The following APOL2 variants were observed in gnomAD, a reference collection of about 807,000 sequenced individuals.
The protein encoded by APOL2 is apolipoprotein L, 2.
APOL2 carries 8 observed loss-of-function variants against 7.1 expected under a neutral mutation model. The ratio of observed to expected loss-of-function variants is 1.12; its 90% CI spans 0.66 to 2.03. The LOEUF (loss-of-function observed/expected upper bound fraction) is 2.03, where lower values mean the gene tolerates loss of function less well. Among genes scored for constraint, APOL2 ranks in the 30% most tolerant of loss-of-function variants. The pLI is 0.00. For missense variants in APOL2, 471 were observed against 415.1 expected, an observed-to-expected ratio of 1.13 and a Z score of -1.17; for synonymous variants, 177 against 159.9, an observed-to-expected ratio of 1.11 and a Z score of -0.81.
intron 4 of APOL2, among the ~76,000 whole-genome samples, chr22:36,229,679 G>A (rs1385870990): frequency 2.0e-5 from 3 of 152,184 alleles, no homozygotes; most frequent in Admixed American, 2.0e-4. Context: ...ATGATTTTAG[G>A]AATCCCCATA....
chr22:36,229,080 C>T (rs2015126223), intron 4 of APOL2, among the ~76,000 whole-genome samples: 1 of 152,212 alleles, frequency 6.6e-6, no homozygotes, highest in African/African-American at 2.4e-5. Context: ...TGGACTTGCA[C>T]CACCTTGGCT....
chr22:36,232,650 G>A (rs908061293), intron 3 of APOL2, among the ~76,000 whole-genome samples: 1 of 152,200 alleles, frequency 6.6e-6, no homozygotes, highest in African/African-American at 2.4e-5. Flanking sequence ...TAAGTTGGAA[G>A]CTGGGTCAAG....
intron 1 of APOL2, among the ~76,000 whole-genome samples, chr22:36,234,944 C>T (rs1001294): frequency 0.27 from 41,687 of 152,072 alleles, 6,404 homozygotes; most frequent in Non-Finnish European, 0.34. Flanking sequence ...TGCCTCTGCA[C>T]CCTCTGCTGC....
chr22:36,236,966 G>T (rs1172071610), intron 1 of APOL2: 3 of 1,358,658 alleles, frequency 2.2e-6, no homozygotes, highest in East Asian at 3.0e-5. Context: ...CTAGGCCAGG[G>T]GAGCTGTCTC....
chr22:36,230,508 G>T (rs6000207), intron 4 of APOL2, among the ~76,000 whole-genome samples: 85,478 of 151,862 alleles, frequency 0.56, 25,730 homozygotes, highest in Middle Eastern at 0.7. Flanking sequence ...TCCCAGCCCT[G>T]GTGCCCCAGC....
chr22:36,230,268 T>C (rs2015171889), intron 4 of APOL2, among the ~76,000 whole-genome samples: 2 of 151,130 alleles, frequency 1.3e-5, no homozygotes, highest in African/African-American at 2.4e-5. Context: ...AGGCATGCCA[T>C]GGTAAGGAGC....
At position 36,226,528 on chromosome 22, in the gene APOL2, C is replaced by T. The variant is rs914666336; in HGVS notation, c.*876G>A. On this transcript the variant is annotated 3_prime_UTR_variant, in exon 5 of 5. Transcript: ENST00000358502. ...GGGGACCCGTCACATGACAACCACCCCAACCACCATCATGAAGAAGCCACT... is the reference window on the plus strand; with the variant it reads ...GGGGACCCGTCACATGACAACCACCTCAACCACCATCATGAAGAAGCCACT... 2 of 152,618 alleles carry T rather than the reference C, an allele frequency of 1.3e-5. No individual in the cohort carries two copies. The highest frequency in any genetic ancestry group is 2.9e-5 in the Non-Finnish European group (2 of 68,402). 9.5% of individuals were successfully genotyped at this position (152,618 alleles called of 1,614,324 possible).
At position 36,226,741 on chromosome 22, in the gene APOL2, TC is replaced by T. The variant is rs1316162097; in HGVS notation, c.*662del. ...AACTCTGGTTTTCTCCATTTTCAGC[TC>T]TTTCTTTTCCTGGCCTTCTCATTGC... On this transcript the variant is annotated 3_prime_UTR_variant, in exon 5 of 5. Coordinates refer to ENST00000358502, the MANE Select transcript of APOL2 (RefSeq NM_030882.4). 6.4e-6 allele frequency: 1 copy of T among 155,980 alleles called. No individual in the cohort carries two copies. Among genetic ancestry groups the T allele is most frequent in the African/African-American group, 2.4e-5 (1 of 41,368 alleles). 9.7% of individuals were successfully genotyped at this position (155,980 alleles called of 1,614,324 possible).
chr22:36,236,931 C>T, intron 1 of APOL2: 2 of 1,314,020 alleles, frequency 1.5e-6, no homozygotes, highest in East Asian at 3.1e-5. Context: ...TCCCCTTCTT[C>T]CTGCTTTGTT....
chr22:36,236,207 C>T (rs1369215957), intron 1 of APOL2, among the ~76,000 whole-genome samples: 1 of 152,156 alleles, frequency 6.6e-6, no homozygotes, highest in East Asian at 1.9e-4. Flanking sequence ...GAGAACAGAA[C>T]AGAGCATATA....
chr22:36,229,215 C>T (rs889974335), intron 4 of APOL2, among the ~76,000 whole-genome samples: 6 of 152,106 alleles, frequency 3.9e-5, no homozygotes, highest in Non-Finnish European at 8.8e-5. Flanking sequence ...CTGCCTTTGG[C>T]GAGAATCCTG....
intron 3 of APOL2, 103 bp downstream of exon 3, chr22:36,233,050 C>G: frequency 8.2e-7 from 1 of 1,213,262 alleles, no homozygotes; most frequent in Non-Finnish European, 1.2e-6. Context: ...TCATTGGCCT[C>G]CTAGTCCATC....
chr22:36,232,640 T>C (rs1159275032), intron 3 of APOL2, among the ~76,000 whole-genome samples: 1 of 152,122 alleles, frequency 6.6e-6, no homozygotes, highest in Non-Finnish European at 1.5e-5. Flanking sequence ...GGGGTCCATT[T>C]AAGTTGGAAG....
chr22:36,228,755 G>A (rs2015113346), intron 4 of APOL2, among the ~76,000 whole-genome samples: 1 of 152,198 alleles, frequency 6.6e-6, no homozygotes, highest in African/African-American at 2.4e-5. Context: ...GTCCTGCCTG[G>A]TAGGAACATC....
At chr22:36,239,412 G>A in intron 1 of APOL2, 29 bp downstream of exon 1, 2 of 1,527,030 alleles carry the variant, frequency 1.3e-6, no homozygotes, top group Non-Finnish European at 8.8e-7. Flanking sequence ...ATAAGGACAT[G>A]GGGGTAGATC....
rs977170660 is a variant in APOL2 at position 36,236,893 on chromosome 22, G to A, written c.-134+2548C>T. 4 of 1,295,424 alleles carry A rather than the reference G, an allele frequency of 3.1e-6. No individual in the cohort carries two copies. The African/African-American group carries it at 4.6e-5, about 15-fold the overall frequency. 80.2% of individuals were successfully genotyped at this position (1,295,424 alleles called of 1,614,324 possible). A position where few individuals can be genotyped will look rare whatever the true frequency, so the allele number is the denominator to read the frequency against. ...CATCTGGACACTTCTTGCTGTAAGG[G>A]ACGGGGTGACGGGAGGGGGTCTTCC... On this transcript the variant is annotated intron_variant, in intron 1 of 4. Transcript: ENST00000358502.
Position 36,227,101 on chromosome 22 carries a change from G to T in APOL2, c.*303C>A. 4.1e-6 allele frequency: 1 copy of T among 246,744 alleles called. No homozygotes were observed. 15.3% of individuals were successfully genotyped at this position (246,744 alleles called of 1,614,324 possible). ...GAGGCCGAGGTGGGCAGATCACGAG[G>T]TCAGGAGATGGAGACCATCGTGGCT... On this transcript the variant is annotated 3_prime_UTR_variant, in exon 5 of 5. Transcript: ENST00000358502.
At chr22:36,232,892 C>A (rs982531335) in intron 3 of APOL2, among the ~76,000 whole-genome samples, 49 of 151,960 alleles carry the variant, frequency 3.2e-4, no homozygotes, top group African/African-American at 1.2e-3. Flanking sequence ...GGCTGTCCTG[C>A]CCCACTTGAG....
At chr22:36,237,806 C>T (rs1022728711) in intron 1 of APOL2, among the ~76,000 whole-genome samples, 2 of 152,144 alleles carry the variant, frequency 1.3e-5, no homozygotes, top group Non-Finnish European at 2.9e-5. Context: ...CCTTCCTCAC[C>T]GCTCCCTGCC....
Sources: gnomAD v4.1 joint callset for allele counts (sites outside exome capture counted in the v4.1 genomes callset) on GRCh38, gnomAD v4.1.1 for gene constraint, MANE v1.5 for transcripts, NCBI Gene and HGNC (gene_info 2026-07-23, HGNC 2026-07-21) for gene names.